TMEM178B: variants seen among roughly 807,000 people sequenced by gnomAD.
TMEM178B encodes the protein transmembrane protein 178B.
In TMEM178B, 5 loss-of-function variants were observed where a neutral mutation model predicts 31.0. That is an observed-to-expected ratio of 0.16 (90% CI 0.08 to 0.34). TMEM178B has a LOEUF of 0.34. TMEM178B is among the 10% of genes least tolerant of loss of function. The pLI is 1.00. For synonymous variants in TMEM178B, 164 were observed against 164.0 expected (o/e 1.00, Z 0.00); for missense variants, 275 against 400.3 (o/e 0.69, Z 2.67).
chr7:141,338,184 A>C (rs867047823), intron 2 of TMEM178B, among the ~76,000 whole-genome samples: 7 of 152,186 alleles, frequency 4.6e-5, no homozygotes, highest in Non-Finnish European at 7.3e-5. Flanking sequence ...TCTGTGATAG[A>C]AATTAGAGCA....
At chr7:141,181,045 G>C (rs1270283033) in intron 1 of TMEM178B, among the ~76,000 whole-genome samples, 1 of 152,060 alleles carries the variant, frequency 6.6e-6, no homozygotes, top group Non-Finnish European at 1.5e-5. Flanking sequence ...TTCCTCATGT[G>C]CCAAGTATGA....
intron 2 of TMEM178B, among the ~76,000 whole-genome samples, chr7:141,421,838 C>CT (rs201595679): frequency 5.5e-4 from 81 of 146,924 alleles, no homozygotes; most frequent in South Asian, 1.1e-3. Flanking sequence ...GTACCTACAA[C>CT]TTTTTTTTTT....
At chr7:141,145,594 C>A (rs1009600267) in intron 1 of TMEM178B, among the ~76,000 whole-genome samples, 1 of 152,210 alleles carries the variant, frequency 6.6e-6, no homozygotes, top group Non-Finnish European at 1.5e-5. Context: ...CTGGAAAACA[C>A]AAAGTGTCTC....
At chr7:141,276,252 G>A (rs564011386) in intron 2 of TMEM178B, among the ~76,000 whole-genome samples, 1 of 152,256 alleles carries the variant, frequency 6.6e-6, no homozygotes, top group East Asian at 1.9e-4. Flanking sequence ...AGTGAGTCCT[G>A]TGGAAACAAG....
chr7:141,432,022 A>G (rs544010868), intron 2 of TMEM178B, among the ~76,000 whole-genome samples: 1 of 152,272 alleles, frequency 6.6e-6, no homozygotes, highest in East Asian at 1.9e-4. Context: ...ATAATGTCTA[A>G]TGCCTTTAAG....
At chr7:141,086,543 A>G (rs1794791326) in intron 1 of TMEM178B, among the ~76,000 whole-genome samples, 1 of 152,214 alleles carries the variant, frequency 6.6e-6, no homozygotes, top group South Asian at 2.1e-4. Context: ...ACAATATTAG[A>G]TATTCTCTAA....
intron 3 of TMEM178B, among the ~76,000 whole-genome samples, chr7:141,448,508 A>G (rs1421262184): frequency 6.6e-6 from 1 of 152,172 alleles, no homozygotes; most frequent in Non-Finnish European, 1.5e-5. Flanking sequence ...GATCTTTTGG[A>G]AAGTTCCTGT....
rs139508805 is a variant in TMEM178B, at chr7:141,178,564, T to G, written c.383-34027T>G. 6.0e-4 allele frequency among the ~76,000 whole-genome samples: 92 copies of G among 152,340 alleles called. No homozygotes were observed. The East Asian group carries it at 6.8e-3, about 11-fold the overall frequency. On this transcript the variant is annotated intron_variant, in intron 1 of 3. Transcript: ENST00000565468. The stretch of plus-strand genomic sequence containing the variant: ...TAACCATAGAATTGGTTGTAGAAAT[T>G]ATTCCTTCTTAAATGGCTTGGCTTG...
At chr7:141,112,125 C>T (rs543325232) in intron 1 of TMEM178B, among the ~76,000 whole-genome samples, 3 of 152,328 alleles carry the variant, frequency 2.0e-5, no homozygotes, top group African/African-American at 7.2e-5. Flanking sequence ...GAAGAACGAA[C>T]ACACATAGGC....
At chr7:141,189,796 G>A (rs1291855443) in intron 1 of TMEM178B, among the ~76,000 whole-genome samples, 1 of 152,118 alleles carries the variant, frequency 6.6e-6, no homozygotes, top group Non-Finnish European at 1.5e-5. Context: ...CAAAGTTGTG[G>A]GGAGAGGAGG....
At chr7:141,304,015 A>G (rs1394298863) in intron 2 of TMEM178B, among the ~76,000 whole-genome samples, 1 of 152,198 alleles carries the variant, frequency 6.6e-6, no homozygotes, top group African/African-American at 2.4e-5. Context: ...CCAGATTTCA[A>G]TCAATCAGGT....
chr7:141,134,703 A>G (rs559418170), intron 1 of TMEM178B, among the ~76,000 whole-genome samples: 2 of 152,368 alleles, frequency 1.3e-5, no homozygotes, highest in South Asian at 4.1e-4. Flanking sequence ...AATGAATTAA[A>G]TATCTCACTT....
At chr7:141,286,659 C>G (rs946596624) in intron 2 of TMEM178B, among the ~76,000 whole-genome samples, 4 of 152,144 alleles carry the variant, frequency 2.6e-5, no homozygotes, top group African/African-American at 9.7e-5. Flanking sequence ...CAAGAGGACC[C>G]TAAGTCTTCC....
rs117218321 is a variant in TMEM178B, at chr7:141,112,324, C to T, written c.382+37632C>T. Among the ~76,000 whole-genome samples, 249 of 152,308 alleles carry T rather than the reference C, an allele frequency of 1.6e-3. 4 individuals carry two copies. In the East Asian group the frequency reaches 0.039, roughly 24 times the overall value. On this transcript the variant is annotated intron_variant, in intron 1 of 3. Transcript: ENST00000565468. Reference sequence around the variant, plus strand: ...CTAGAGTGCAATGGCATGACCACGGCTCACTGTAGCCTTGATTTCCTGGGC... The same window carrying T: ...CTAGAGTGCAATGGCATGACCACGGTTCACTGTAGCCTTGATTTCCTGGGC...
At chr7:141,209,235 T>C (rs1797013222) in intron 1 of TMEM178B, among the ~76,000 whole-genome samples, 1 of 152,220 alleles carries the variant, frequency 6.6e-6, no homozygotes, top group Non-Finnish European at 1.5e-5. Flanking sequence ...CCAAAACCAT[T>C]GACCTAGTTG....
At chr7:141,207,166 C>T (rs188052768) in intron 1 of TMEM178B, among the ~76,000 whole-genome samples, 6 of 152,326 alleles carry the variant, frequency 3.9e-5, no homozygotes, top group African/African-American at 1.2e-4. Flanking sequence ...TATTGCATAT[C>T]GCATGGATAC....
intron 2 of TMEM178B, among the ~76,000 whole-genome samples, chr7:141,387,883 G>A (rs1800462075): frequency 6.6e-6 from 1 of 152,036 alleles, no homozygotes; most frequent in African/African-American, 2.4e-5. Context: ...CGCCTTGGTG[G>A]TCATCCTGTC....
intron 2 of TMEM178B, among the ~76,000 whole-genome samples, chr7:141,395,683 A>G (rs10274938): frequency 0.24 from 37,069 of 151,676 alleles, 4,667 homozygotes; most frequent in Admixed American, 0.28. Context: ...ACTCCACCAC[A>G]CTCTGCTCCC....
the TMEM178B span, among the ~76,000 whole-genome samples, chr7:141,497,014 G>A: frequency 7.8e-4 from 119 of 152,198 alleles, no homozygotes; most frequent in African/African-American, 2.7e-3. Context: ...TAGAGGCTAC[G>A]AGATTGCTGT....
Sources: gnomAD v4.1 joint callset for allele counts (sites outside exome capture counted in the v4.1 genomes callset) on GRCh38, gnomAD v4.1.1 for gene constraint, MANE v1.5 for transcripts, NCBI Gene and HGNC (gene_info 2026-07-23, HGNC 2026-07-21) for gene names.